MANBA: variants seen among roughly 807,000 people sequenced by gnomAD.
The protein encoded by MANBA is beta-mannosidase.
MANBA carries 83 observed loss-of-function variants against 111.1 expected under a neutral mutation model. The ratio of observed to expected loss-of-function variants is 0.75; its 90% CI spans 0.63 to 0.90. The LOEUF is 0.90. Ranked by LOEUF, MANBA falls within the 40% of genes least tolerant of loss-of-function variation. The pLI is 0.00. For missense variants in MANBA, 1,036 were observed against 1,069.0 expected, an observed-to-expected ratio of 0.97 and a Z score of 0.43; for synonymous variants, 370 against 378.7, an observed-to-expected ratio of 0.98 and a Z score of 0.27.
chr4:102,677,392 T>C (rs1355736518), intron 7 of MANBA, among the ~76,000 whole-genome samples: 1 of 152,198 alleles, frequency 6.6e-6, no homozygotes, highest in African/African-American at 2.4e-5. Flanking sequence ...TCAGTGGTGA[T>C]ATTAACAAAT....
At chr4:102,724,600 A>G (rs970839283) in intron 2 of MANBA, among the ~76,000 whole-genome samples, 1 of 152,194 alleles carries the variant, frequency 6.6e-6, no homozygotes, top group African/African-American at 2.4e-5. Flanking sequence ...TGTTCTCACA[A>G]ACTACATTTA....
chr4:102,700,053 T>G (rs1197457555), intron 5 of MANBA, among the ~76,000 whole-genome samples: 1 of 150,550 alleles, frequency 6.6e-6, no homozygotes, highest in Admixed American at 6.6e-5. Flanking sequence ...ATTGGTCTAT[T>G]CAGAGATTCA....
intron 1 of MANBA, among the ~76,000 whole-genome samples, chr4:102,748,553 T>C (rs544264337): frequency 1.6e-4 from 25 of 152,296 alleles, no homozygotes; most frequent in African/African-American, 5.8e-4. Flanking sequence ...TAATCATGGT[T>C]GTTTCTATAG....
intron 1 of MANBA, among the ~76,000 whole-genome samples, chr4:102,737,413 G>T (rs1367533319): frequency 2.0e-5 from 3 of 152,082 alleles, no homozygotes; most frequent in Non-Finnish European, 4.4e-5. Flanking sequence ...CTGTTGGGGG[G>T]GCACAGTAGG....
intron 5 of MANBA, among the ~76,000 whole-genome samples, chr4:102,709,954 T>C (rs1721984755): frequency 6.6e-6 from 1 of 152,146 alleles, no homozygotes; most frequent in Non-Finnish European, 1.5e-5. Flanking sequence ...TTTAATAAAA[T>C]TCAATATCCC....
At chr4:102,635,247 A>G (rs928251346) in intron 15 of MANBA, among the ~76,000 whole-genome samples, 1 of 152,180 alleles carries the variant, frequency 6.6e-6, no homozygotes, top group African/African-American at 2.4e-5. Context: ...ATGTAGAATG[A>G]AAATAACAGC....
intron 10 of MANBA, chr4:102,668,719 G>C (rs1731341254): frequency 6.4e-6 from 3 of 470,014 alleles, no homozygotes; most frequent in South Asian, 6.3e-5. Flanking sequence ...GTAGGCAGTT[G>C]GATATAAGAA....
intron 11 of MANBA, 37 bp downstream of exon 11, chr4:102,664,648 A>G (rs778747207): frequency 5.1e-6 from 8 of 1,573,782 alleles, no homozygotes; most frequent in Admixed American, 1.7e-5. Context: ...CTAAAGATAC[A>G]TTCTTAAATT....
chr4:102,746,940 C>T (rs1199744033), intron 1 of MANBA, among the ~76,000 whole-genome samples: 1 of 150,340 alleles, frequency 6.7e-6, no homozygotes, highest in Non-Finnish European at 1.5e-5. Context: ...CCACTGCACT[C>T]CAGCGTGGGT....
chr4:102,650,575 G>A lies in MANBA; in HGVS notation c.1831C>T (p.Pro611Ser). The A allele has an allele frequency of 6.2e-7, 1 of 1,613,436 alleles. No homozygotes were observed. The highest frequency in any genetic ancestry group is 8.5e-7 in the Non-Finnish European group (1 of 1,179,420). Reference protein sequence around the residue: ...LHFKLPQSTDPLRTFKDTIYL... With the variant: ...LHFKLPQSTDSLRTFKDTIYL... ...ATGGTATCTTTAAATGTGCGTAATG[G>A]ATCTGTGCTTTGGGGGAGTTTGAAA... The change falls in exon 13 of 17, where the codon CCA becomes TCA. Residue 611 changes from proline to serine, a missense_variant. Coordinates refer to ENST00000647097, the MANE Select transcript of MANBA (RefSeq NM_005908.4).
intron 16 of MANBA, among the ~76,000 whole-genome samples, chr4:102,634,569 C>T (rs562256477): frequency 2.7e-4 from 41 of 152,336 alleles, no homozygotes; most frequent in African/African-American, 7.7e-4. Flanking sequence ...ATGGGACAAA[C>T]GAGTAGTGGT....
chr4:102,636,884 A>G (rs968281615), intron 14 of MANBA, among the ~76,000 whole-genome samples: 18 of 152,258 alleles, frequency 1.2e-4, no homozygotes, highest in African/African-American at 4.3e-4. Context: ...CCCAAATCTC[A>G]TCTTGAATTG....
chr4:102,668,708 G>T (rs1731340663), intron 10 of MANBA: 2 of 451,918 alleles, frequency 4.4e-6, no homozygotes, highest in Admixed American at 6.9e-5. Flanking sequence ...AGAGGCACCA[G>T]GTAGGCAGTT....
At chr4:102,744,300 G>T (rs1410540044) in intron 1 of MANBA, among the ~76,000 whole-genome samples, 4 of 152,128 alleles carry the variant, frequency 2.6e-5, no homozygotes, top group African/African-American at 4.8e-5. Context: ...CCTGAATTTT[G>T]GTTGGATGCA....
At chr4:102,708,099 C>A (rs1370259887) in intron 5 of MANBA, among the ~76,000 whole-genome samples, 1 of 152,078 alleles carries the variant, frequency 6.6e-6, no homozygotes, top group Non-Finnish European at 1.5e-5. Context: ...TTACACAGAT[C>A]ATCTAGACAA....
In MANBA at chr4:102,671,335, T is replaced by C. The variant is rs1578888296; in HGVS notation, c.1176A>G (p.Gly392=). 6.2e-7 allele frequency: 1 copy of C among 1,609,064 alleles called. No individual in the cohort carries two copies. The highest frequency in any genetic ancestry group is 8.5e-7 in the Non-Finnish European group (1 of 1,175,764). ...ANMNTLRVWG[G]GIYEQDEFYE... Reference sequence around the variant, plus strand: ...AGAATTCATCCTGCTCATAAATTCCTCCTCCCCAAACCCGAAGAGTATTCA... The same window carrying C: ...AGAATTCATCCTGCTCATAAATTCCCCCTCCCCAAACCCGAAGAGTATTCA... The change falls in exon 9 of 17, where the codon GGA becomes GGG. Residue 392 remains glycine, a synonymous_variant. Transcript: ENST00000647097.
chr4:102,688,497 T>C (rs1170366013), intron 7 of MANBA, among the ~76,000 whole-genome samples: 2 of 151,958 alleles, frequency 1.3e-5, no homozygotes, highest in African/African-American at 4.8e-5. Context: ...CATATCTCCA[T>C]CCTTAGCATG....
At chr4:102,721,531 A>G (rs1027135951) in intron 4 of MANBA, among the ~76,000 whole-genome samples, 1 of 152,204 alleles carries the variant, frequency 6.6e-6, no homozygotes, top group African/African-American at 2.4e-5. Flanking sequence ...AACGTCCGTC[A>G]ACAGATGAAT....
At chr4:102,670,424 C>T (rs1200470039) in intron 9 of MANBA, among the ~76,000 whole-genome samples, 2 of 152,060 alleles carry the variant, frequency 1.3e-5, no homozygotes, top group Non-Finnish European at 2.9e-5. Flanking sequence ...TCAGCATTAT[C>T]ATTATTAGAA....
Sources: gnomAD v4.1 joint callset for allele counts (sites outside exome capture counted in the v4.1 genomes callset) on GRCh38, gnomAD v4.1.1 for gene constraint, MANE v1.5 for transcripts, NCBI Gene and HGNC (gene_info 2026-07-23, HGNC 2026-07-21) for gene names.